The following LRRIQ1 variants were observed in gnomAD, a reference collection of about 807,000 sequenced individuals.
The protein encoded by LRRIQ1 is leucine rich repeats and IQ motif containing 1.
Under a neutral mutation model 211.9 loss-of-function variants are expected in LRRIQ1, and 210 were observed. The ratio of observed to expected loss-of-function variants is 0.99; its 90% CI spans 0.89 to 1.11. The LOEUF (loss-of-function observed/expected upper bound fraction) is 1.11. Among genes scored for constraint, LRRIQ1 ranks in the 50% most tolerant of loss-of-function variants. LRRIQ1 has a pLI of 0.00. For synonymous variants in LRRIQ1, 699 were observed against 650.1 expected (o/e 1.08, Z -1.14); for missense variants, 2,136 against 1,939.5 (o/e 1.10, Z -1.90).
intron 15 of LRRIQ1, among the ~76,000 whole-genome samples, chr12:85,119,016 A>G (rs1425710506): frequency 6.6e-6 from 1 of 152,092 alleles, no homozygotes; most frequent in Non-Finnish European, 1.5e-5. Flanking sequence ...CTACATTGAC[A>G]TTGTCACTCA....
chr12:85,168,813 T>G (rs1891274948), intron 24 of LRRIQ1, among the ~76,000 whole-genome samples: 1 of 152,156 alleles, frequency 6.6e-6, no homozygotes, highest in African/African-American at 2.4e-5. Context: ...ATGCAGCTGC[T>G]TCAGCTTCAG....
intron 1 of LRRIQ1, among the ~76,000 whole-genome samples, chr12:85,250,506 G>A (rs188148372): frequency 5.3e-5 from 8 of 151,198 alleles, no homozygotes; most frequent in East Asian, 2.0e-4. Context: ...TTGGGAGGTC[G>A]AGGTGGGAGA....
At chr12:85,099,957 T>A (rs937126469) in intron 13 of LRRIQ1, among the ~76,000 whole-genome samples, 7 of 151,792 alleles carry the variant, frequency 4.6e-5, no homozygotes, top group African/African-American at 1.7e-4. Flanking sequence ...AAAATTTGAC[T>A]TGAATTTAAA....
chr12:85,256,201 G>A (rs943418603), intron 1 of LRRIQ1, among the ~76,000 whole-genome samples: 2 of 151,634 alleles, frequency 1.3e-5, no homozygotes, highest in Admixed American at 6.6e-5. Context: ...AGAACTAGTT[G>A]TACATATGTT....
chr12:85,139,323 A>G (rs1407465768), intron 19 of LRRIQ1, among the ~76,000 whole-genome samples: 1 of 151,472 alleles, frequency 6.6e-6, no homozygotes, highest in East Asian at 1.9e-4. Context: ...GTAAGAATAC[A>G]TTTATTGTAT....
At chr12:85,069,587 T>C (rs1882845901) in intron 10 of LRRIQ1, among the ~76,000 whole-genome samples, 1 of 151,804 alleles carries the variant, frequency 6.6e-6, no homozygotes, top group Non-Finnish European at 1.5e-5. Flanking sequence ...TTTCTCCACA[T>C]CCTCTCCAGC....
In LRRIQ1 at chr12:85,078,217, T is replaced by G. The variant is rs894418601; in HGVS notation, c.2887+5119T>G. Among the ~76,000 whole-genome samples, 2 of 152,188 alleles carry G rather than the reference T, an allele frequency of 1.3e-5. 1 individual carries two copies. The highest frequency in any genetic ancestry group is 2.9e-5 in the Non-Finnish European group (2 of 68,016). ...ATTTGGTCACCACAAATTTATAGTT[T>G]TAAACTCCTTGTTTTATTAAGAATA... On this transcript the variant is annotated intron_variant, in intron 11 of 26. Coordinates refer to ENST00000393217, the MANE Select transcript of LRRIQ1 (RefSeq NM_001079910.2).
Position 85,055,736 on chromosome 12 carries a change from A to G in LRRIQ1, c.943A>G (p.Lys315Glu), listed in dbSNP as rs1880941274. ...TATTAAAGAGCAAATTGAAAGTAAG[A>G]AAAGGAAAGCACAAGAGTGGAAGGA... ...PIIKEQIESK[K>E]RKAQEWKEKE... The change falls in exon 8 of 27, where the codon AAA becomes GAA. Residue 315 changes from lysine (K) to glutamate (E), a missense_variant. Transcript: ENST00000393217. 6.2e-7 allele frequency: 1 copy of G among 1,607,786 alleles called. No homozygotes were observed. Among genetic ancestry groups the G allele is most frequent in the Non-Finnish European group, 8.5e-7 (1 of 1,178,072 alleles).
chr12:85,116,291 C>A (rs1887571996), intron 15 of LRRIQ1, among the ~76,000 whole-genome samples: 1 of 152,044 alleles, frequency 6.6e-6, no homozygotes, highest in African/African-American at 2.4e-5. Context: ...TACAGGCGCC[C>A]ACCACCACGC....
At chr12:85,132,374 T>C (rs1163339169) in intron 18 of LRRIQ1, among the ~76,000 whole-genome samples, 1 of 152,044 alleles carries the variant, frequency 6.6e-6, no homozygotes. Context: ...ATATGCAGGG[T>C]ACCTCCCTAG....
exon 2 of LRRIQ1, chr12:85,264,140 T>C (rs555929349): frequency 2.2e-4 from 33 of 152,208 alleles, no homozygotes; most frequent in African/African-American, 7.9e-4. Context: ...CTTGTATTAA[T>C]TTGTATCCCC....
intron 24 of LRRIQ1, among the ~76,000 whole-genome samples, chr12:85,186,677 C>T (rs1470815214): frequency 2.0e-5 from 3 of 152,058 alleles, no homozygotes; most frequent in East Asian, 3.9e-4. Context: ...AATAAGAAGC[C>T]TGTGTAATTT....
intron 16 of LRRIQ1, among the ~76,000 whole-genome samples, chr12:85,122,222 A>G (rs1888038706): frequency 6.6e-6 from 1 of 152,172 alleles, no homozygotes; most frequent in Non-Finnish European, 1.5e-5. Context: ...TAATTCACAA[A>G]TTAACATAAG....
intron 15 of LRRIQ1, among the ~76,000 whole-genome samples, chr12:85,112,667 A>G (rs942119328): frequency 2.0e-5 from 3 of 151,906 alleles, no homozygotes; most frequent in Admixed American, 6.6e-5. Context: ...AAAATTGGTC[A>G]CTGCCTCAAG....
At chr12:85,101,463 A>G (rs1886340410) in intron 13 of LRRIQ1, among the ~76,000 whole-genome samples, 1 of 151,840 alleles carries the variant, frequency 6.6e-6, no homozygotes, top group African/African-American at 2.4e-5. Context: ...TGTTCATTGT[A>G]CAAATCTTTT....
intron 10 of LRRIQ1, among the ~76,000 whole-genome samples, chr12:85,071,426 T>C (rs1592737797): frequency 6.6e-6 from 1 of 152,134 alleles, no homozygotes; most frequent in African/African-American, 2.4e-5. Flanking sequence ...AGTTTTCCTA[T>C]TTTTGCCTTG....
At chr12:85,127,321 G>A (rs914461550) in intron 17 of LRRIQ1, among the ~76,000 whole-genome samples, 1 of 152,212 alleles carries the variant, frequency 6.6e-6, no homozygotes, top group Non-Finnish European at 1.5e-5. Flanking sequence ...GAGTCTGTAA[G>A]AGTGTAATTT....
In LRRIQ1 at chr12:85,244,874, A is replaced by C; in HGVS notation, c.5102A>C (p.Lys1701Thr). ...GSALSVNREK[K>T]NQAHRHSAGS... The stretch of plus-strand genomic sequence containing the variant: ...GCTTTGTCTGTGAACAGAGAAAAAA[A>C]AAATCAGGCACACAGACACTCAGCA... Residue 1701 changes from lysine (K) to threonine (T), a missense_variant, in exon 27 of 27, where the codon AAA becomes ACA. Lys to Thr is a moderately conservative substitution (Grantham distance 78, BLOSUM62 -1). Coordinates refer to ENST00000393217, the MANE Select transcript of LRRIQ1 (RefSeq NM_001079910.2). The C allele has an allele frequency of 1.2e-6, 2 of 1,611,770 alleles. No individual in the cohort carries two copies. The highest frequency in any genetic ancestry group is 2.2e-5 in the South Asian group (2 of 91,004).
chr12:85,211,044 A>T (rs977582740), intron 24 of LRRIQ1, among the ~76,000 whole-genome samples: 2 of 152,196 alleles, frequency 1.3e-5, no homozygotes, highest in African/African-American at 4.8e-5. Flanking sequence ...GACCCACACA[A>T]ATATGCTGAT....
Sources: allele counts gnomAD v4.1 joint callset (sites outside exome capture counted in the v4.1 genomes callset), GRCh38; gene constraint gnomAD v4.1.1; transcripts MANE v1.5; gene names NCBI Gene and HGNC (gene_info 2026-07-23, HGNC 2026-07-21).